The following IMMP2L variants were observed in gnomAD, a reference collection of about 807,000 sequenced individuals.
IMMP2L encodes inner mitochondrial membrane peptidase subunit 2.
Under a neutral mutation model 19.3 loss-of-function variants are expected in IMMP2L, and 18 were observed. The observed-to-expected ratio is 0.93, with a 90% CI of 0.64 to 1.38. The LOEUF (loss-of-function observed/expected upper bound fraction) is 1.38. Ranked by LOEUF, IMMP2L falls within the 40% of genes most tolerant of loss-of-function variation. IMMP2L has a pLI of 0.00. For synonymous variants in IMMP2L, 76 were observed against 73.0 expected (o/e 1.04, Z -0.21); for missense variants, 233 against 218.2 (o/e 1.07, Z -0.43).
intron 3 of IMMP2L, among the ~76,000 whole-genome samples, chr7:111,149,599 A>G (rs1035055923): frequency 4.6e-5 from 7 of 152,168 alleles, no homozygotes; most frequent in African/African-American, 1.7e-4. Flanking sequence ...ATATTGCTAG[A>G]CTAATTGGTT....
At chr7:111,164,091 G>A (rs1236685547) in intron 3 of IMMP2L, among the ~76,000 whole-genome samples, 3 of 142,550 alleles carry the variant, frequency 2.1e-5, no homozygotes, top group Non-Finnish European at 4.6e-5. Flanking sequence ...GGGAAGGAAA[G>A]TAGGAGAGGG....
At chr7:111,015,124 G>C (rs1191045551) in intron 3 of IMMP2L, among the ~76,000 whole-genome samples, 2 of 152,130 alleles carry the variant, frequency 1.3e-5, no homozygotes, top group Non-Finnish European at 2.9e-5. Context: ...AGCAGCAATA[G>C]TCACAATAGC....
At chr7:111,394,472 C>A (rs1248728925) in intron 3 of IMMP2L, among the ~76,000 whole-genome samples, 1 of 151,950 alleles carries the variant, frequency 6.6e-6, no homozygotes, top group Non-Finnish European at 1.5e-5. Flanking sequence ...TTTCTGAGTG[C>A]CATTTTTGTT....
At chr7:111,476,928 C>T (rs527709231) in intron 3 of IMMP2L, among the ~76,000 whole-genome samples, 8 of 152,106 alleles carry the variant, frequency 5.3e-5, no homozygotes, top group Non-Finnish European at 1.2e-4. Flanking sequence ...TTAAGGTCAA[C>T]TGATTAGTAG....
At chr7:111,086,062 G>A (rs182088100) in intron 3 of IMMP2L, among the ~76,000 whole-genome samples, 3 of 151,832 alleles carry the variant, frequency 2.0e-5, no homozygotes, top group Non-Finnish European at 4.4e-5. Context: ...ACAAAACCCC[G>A]CCCCATGCCC....
intron 3 of IMMP2L, among the ~76,000 whole-genome samples, chr7:110,993,993 G>T (rs940791084): frequency 6.6e-6 from 1 of 151,618 alleles, no homozygotes; most frequent in Non-Finnish European, 1.5e-5. Context: ...TTCCATGTTA[G>T]AACGTATCTT....
chr7:111,440,292 C>A (rs562825251), intron 3 of IMMP2L, among the ~76,000 whole-genome samples: 13 of 151,872 alleles, frequency 8.6e-5, no homozygotes, highest in African/African-American at 3.2e-4. Flanking sequence ...TCAGAGGAAT[C>A]GTTATCTATG....
chr7:110,676,325 AAT>A (rs1242314740), intron 5 of IMMP2L, among the ~76,000 whole-genome samples: 1 of 152,272 alleles, frequency 6.6e-6, no homozygotes, highest in Admixed American at 6.5e-5. Context: ...AGGCATGGAC[AAT>A]ATGTTAGCGA....
intron 3 of IMMP2L, among the ~76,000 whole-genome samples, chr7:111,352,143 T>C (rs1250657142): frequency 6.6e-6 from 1 of 152,134 alleles, no homozygotes; most frequent in Admixed American, 6.6e-5. Context: ...ATGTTTGGAA[T>C]CATGGACACA....
intron 3 of IMMP2L, among the ~76,000 whole-genome samples, chr7:111,141,864 C>G (rs539908307): frequency 6.6e-6 from 1 of 152,100 alleles, no homozygotes; most frequent in African/African-American, 2.4e-5. Context: ...CCATGCCTGG[C>G]TAATTTTTAA....
intron 4 of IMMP2L, among the ~76,000 whole-genome samples, chr7:110,914,958 G>C (rs372684465): frequency 1.4e-4 from 22 of 152,128 alleles, no homozygotes; most frequent in African/African-American, 4.6e-4. Context: ...TGGTGATGGT[G>C]AGGAGAAAAG....
intron 3 of IMMP2L, among the ~76,000 whole-genome samples, chr7:111,152,951 T>A (rs979797677): frequency 6.6e-6 from 1 of 152,106 alleles, no homozygotes; most frequent in South Asian, 2.1e-4. Context: ...GATAGCTGGA[T>A]AAATATCAAG....
chr7:111,547,591 T>A (rs1376122360), intron 1 of IMMP2L, among the ~76,000 whole-genome samples: 2 of 148,308 alleles, frequency 1.3e-5, no homozygotes, highest in Non-Finnish European at 3.0e-5. Flanking sequence ...GGCCTTGTTC[T>A]GTCACCCAGG....
At chr7:110,664,437 T>C (rs981055860) in intron 5 of IMMP2L, among the ~76,000 whole-genome samples, 18 of 152,116 alleles carry the variant, frequency 1.2e-4, no homozygotes, top group African/African-American at 4.1e-4. Context: ...ATACAGATCA[T>C]GGCAGATGGT....
intron 3 of IMMP2L, among the ~76,000 whole-genome samples, chr7:111,152,529 G>A (rs1435979684): frequency 2.0e-5 from 3 of 152,112 alleles, no homozygotes. Context: ...AATTTATTAA[G>A]CATAGTATAA....
chr7:110,933,092 ACAGTT>A (rs1473998582), intron 4 of IMMP2L, among the ~76,000 whole-genome samples: 19 of 152,334 alleles, frequency 1.2e-4, no homozygotes, highest in Admixed American at 1.2e-3. Context: ...TTTATCATGT[ACAGTT>A]AAGTATTCAA....
intron 2 of IMMP2L, among the ~76,000 whole-genome samples, chr7:111,498,230 G>A (rs1004119897): frequency 1.2e-4 from 18 of 152,078 alleles, no homozygotes; most frequent in Admixed American, 7.2e-4. Context: ...CATTAAATAC[G>A]TGCATTGTGT....
intron 4 of IMMP2L, among the ~76,000 whole-genome samples, chr7:110,957,248 T>C (rs1818445664): frequency 6.6e-6 from 1 of 152,012 alleles, no homozygotes; most frequent in African/African-American, 2.4e-5. Context: ...GAAAAAGTAC[T>C]CTGAAAGCCT....
intron 3 of IMMP2L, among the ~76,000 whole-genome samples, chr7:111,107,265 A>G (rs1798653423): frequency 1.3e-5 from 2 of 152,028 alleles, no homozygotes; most frequent in Middle Eastern, 6.8e-3. Flanking sequence ...AAGTTTTTAT[A>G]TAAAGTCTAA....
Sources: gnomAD v4.1 joint callset for allele counts (sites outside exome capture counted in the v4.1 genomes callset) on GRCh38, gnomAD v4.1.1 for gene constraint, MANE v1.5 for transcripts, NCBI Gene and HGNC (gene_info 2026-07-23, HGNC 2026-07-21) for gene names.